ZNF391: variants seen among roughly 807,000 people sequenced by gnomAD.
ZNF391 encodes the protein zinc finger protein 391.
For missense variants in ZNF391, 375 were observed against 425.5 expected (o/e 0.88, Z 1.04); for synonymous variants, 126 against 142.1 (o/e 0.89, Z 0.80).
chr6:27,375,379 C>T (rs1761401266), intron 1 of ZNF391, among the ~76,000 whole-genome samples: 1 of 152,138 alleles, frequency 6.6e-6, no homozygotes, highest in East Asian at 1.9e-4. Context: ...CTATGTGACA[C>T]CTCCACTGTG....
At chr6:27,385,243 A>C (rs947506371), upstream of ZNF391, among the ~76,000 whole-genome samples, 4 of 152,214 alleles carry the variant, frequency 2.6e-5, 1 homozygote, top group Middle Eastern at 0.014. Context: ...AGTGGTAGAC[A>C]AAAATAAGAA....
intron 1 of ZNF391, among the ~76,000 whole-genome samples, chr6:27,392,431 T>G (rs1761733964): frequency 6.6e-6 from 1 of 152,134 alleles, no homozygotes. Context: ...AATTTTTATA[T>G]TTGTATTAGA....
chr6:27,394,403 T>C (rs1761779623), intron 1 of ZNF391, among the ~76,000 whole-genome samples: 1 of 152,234 alleles, frequency 6.6e-6, no homozygotes, highest in East Asian at 1.9e-4. Flanking sequence ...GGGTAGAAGC[T>C]GTAAGCCTTG....
At chr6:27,381,542 G>A (rs917540625) in intron 1 of ZNF391, among the ~76,000 whole-genome samples, 18 of 152,234 alleles carry the variant, frequency 1.2e-4, no homozygotes, top group Admixed American at 6.5e-5. Context: ...CTCAAGTGCC[G>A]CCAAAGTGGG....
chr6:27,391,607 G>T (rs1452657846), intron 1 of ZNF391, among the ~76,000 whole-genome samples: 1 of 152,156 alleles, frequency 6.6e-6, no homozygotes, highest in Non-Finnish European at 1.5e-5. Context: ...GGAGGCAGAA[G>T]ATGGAAAGGC....
Position 27,403,707 on chromosome 6 carries a change from C to T in ZNF391, c.*2260C>T, listed in dbSNP as rs1333171983. 6.6e-6 allele frequency: 1 copy of T among 152,126 alleles called. No homozygotes were observed. The highest frequency in any genetic ancestry group is 1.5e-5 in the Non-Finnish European group (1 of 68,020). The allele number at this position is 152,126 out of a possible 1,614,324, so 9.4% of individuals were successfully genotyped here. On this transcript the variant is annotated 3_prime_UTR_variant, in exon 3 of 3. Transcript: ENST00000244576. Reference sequence around the variant, plus strand: ...AGGTAACCTCATAGGTATTTTGGCCCATTTTGTTTTTCCTTGAATTACATA... The same window carrying T: ...AGGTAACCTCATAGGTATTTTGGCCTATTTTGTTTTTCCTTGAATTACATA...
chr6:27,400,206 C>A, intron 2 of ZNF391, 87 bp from the exon 3 acceptor site: 1 of 569,928 alleles, frequency 1.8e-6, no homozygotes, highest in Non-Finnish European at 2.9e-6. Context: ...TGCATGAATT[C>A]AAATTAGTTG....
rs758852268 is a variant in ZNF391 at position 27,401,240 on chromosome 6, G to T, written c.870G>T (p.Ser290=). ...SECGKVFSRS[S]SLTEHQRIHS... Reference sequence around the variant, plus strand: ...GTGGGAAAGTGTTCAGTCGAAGCTCGTCTCTTACAGAACATCAGAGAATCC... The same window carrying T: ...GTGGGAAAGTGTTCAGTCGAAGCTCTTCTCTTACAGAACATCAGAGAATCC... Residue 290 remains serine, a synonymous_variant, in exon 3 of 3, where the codon TCG becomes TCT. Transcript: ENST00000244576. 5 of 1,614,036 alleles carry T rather than the reference G, an allele frequency of 3.1e-6. No individual in the cohort carries two copies. Among genetic ancestry groups the T allele is most frequent in the Middle Eastern group, 1.6e-4 (1 of 6,062 alleles).
Position 27,388,761 on chromosome 6 carries a change from T to A in ZNF391, c.-502T>A, listed in dbSNP as rs540280297. On this transcript the variant is annotated 5_prime_UTR_variant, in exon 1 of 3. Transcript: ENST00000244576. ...CTGCTGATACGTTGCTCAGTCTCAG[T>A]GTGGTCTCTGTTTTGCAACTGGTCG... 2 of 397,428 alleles carry A rather than the reference T, an allele frequency of 5.0e-6. No homozygotes were observed. Among genetic ancestry groups the A allele is most frequent in the Admixed American group, 7.4e-5 (2 of 26,876 alleles). The allele number at this position is 397,428 out of a possible 1,614,324, so 24.6% of individuals were successfully genotyped here. A position where few individuals can be genotyped will look rare whatever the true frequency, so the allele number is the denominator to read the frequency against.
Position 27,401,098 on chromosome 6 carries a change from A to C in ZNF391, c.728A>C (p.His243Pro). 6.2e-7 allele frequency: 1 copy of C among 1,614,240 alleles called. No individual in the cohort carries two copies. The change falls in exon 3 of 3, where the codon CAC becomes CCC. Residue 243 changes from histidine to proline, a missense_variant. Coordinates refer to ENST00000244576, the MANE Select transcript of ZNF391 (RefSeq NM_001076781.3). ...RSTIIQHQRI[H>P]TGENPYECSK... The stretch of plus-strand genomic sequence containing the variant: ...ACCATAATTCAGCATCAACGAATAC[A>C]CACTGGAGAGAATCCCTATGAATGC...
chr6:27,379,393 A>G lies in ZNF391; in HGVS notation n.523+4256A>G, dbSNP rs79887176. 4.6e-3 allele frequency among the ~76,000 whole-genome samples: 701 copies of G among 152,350 alleles called. 3 individuals are homozygous for G. The highest frequency in any genetic ancestry group is 0.014 in the Middle Eastern group (4 of 294). ...AAAATAAATATAAAGGGAAGAGCACAGTATTTTTTGTGATGGGAAAGCAGA... is the reference window on the plus strand; with the variant it reads ...AAAATAAATATAAAGGGAAGAGCACGGTATTTTTTGTGATGGGAAAGCAGA... On this transcript the variant is annotated intron_variant and non_coding_transcript_variant, in intron 1 of 2. Transcript: ENST00000477999.
At chr6:27,387,863 T>A (rs573530139), upstream of ZNF391, among the ~76,000 whole-genome samples, 2 of 152,370 alleles carry the variant, frequency 1.3e-5, no homozygotes, top group South Asian at 4.1e-4. Flanking sequence ...GTAACTTTAA[T>A]GTTGTGCATA....
chr6:27,400,429 A>C lies in ZNF391; in HGVS notation c.59A>C (p.Asn20Thr), dbSNP rs1387743163. 6.2e-7 allele frequency: 1 copy of C among 1,613,954 alleles called. No homozygotes were observed. Among genetic ancestry groups the C allele is most frequent in the Non-Finnish European group, 8.5e-7 (1 of 1,180,006 alleles). Residue 20 changes from asparagine to threonine, a missense_variant, in exon 3 of 3, where the codon AAC (asparagine) becomes ACC (threonine). Coordinates refer to ENST00000244576, the MANE Select transcript of ZNF391 (RefSeq NM_001076781.3). ...CCTACAAATGAAGAAGACTATAAAA[A>C]CGAAGGCCAATTATCAAGGCAAACA... is the stretch of plus-strand genomic sequence containing the variant. ...QGPTNEEDYK[N>T]EGQLSRQTKC...
intron 1 of ZNF391, among the ~76,000 whole-genome samples, chr6:27,383,092 C>T (rs1761533805): frequency 6.6e-6 from 1 of 151,772 alleles, no homozygotes; most frequent in Non-Finnish European, 1.5e-5. Context: ...TGTATTCCAG[C>T]CTGGGCAACA....
chr6:27,398,655 G>A (rs931952916), intron 1 of ZNF391, among the ~76,000 whole-genome samples: 4 of 152,066 alleles, frequency 2.6e-5, no homozygotes, highest in African/African-American at 7.2e-5. Context: ...TCAGGAGATC[G>A]AGACCATCCT....
At chr6:27,380,217 G>T (rs2113637287) in intron 1 of ZNF391, among the ~76,000 whole-genome samples, 1 of 152,356 alleles carries the variant, frequency 6.6e-6, no homozygotes, top group South Asian at 2.1e-4. Flanking sequence ...CTGACTTCAA[G>T]AACGAAGCCG....
In ZNF391 at chr6:27,401,105, A is replaced by G. The variant is rs201557503; in HGVS notation, c.735A>G (p.Gly245=). The G allele has an allele frequency of 5.2e-4, 832 of 1,614,142 alleles. 2 individuals carry two copies. Among genetic ancestry groups the G allele is most frequent in the Non-Finnish European group, 6.3e-4 (742 of 1,180,052 alleles). ...TTCAGCATCAACGAATACACACTGG[A>G]GAGAATCCCTATGAATGCAGTAAAT... is the stretch of plus-strand genomic sequence containing the variant. ...TIIQHQRIHT[G]ENPYECSKCG... is the part of the protein sequence containing the mutation. Residue 245 remains glycine, a synonymous_variant, in exon 3 of 3, where the codon GGA becomes GGG. Coordinates refer to ENST00000244576, the MANE Select transcript of ZNF391 (RefSeq NM_001076781.3).
At position 27,401,169 on chromosome 6, in the gene ZNF391, CA is replaced by C. The variant is rs1761954966; in HGVS notation, c.800del (p.His267LeufsTer82). 1 of 1,614,176 alleles carries C rather than the reference CA, an allele frequency of 6.2e-7. No homozygotes were observed. Among genetic ancestry groups the C allele is most frequent in the African/African-American group, 1.3e-5 (1 of 75,048 alleles). On this transcript the variant is annotated frameshift_variant, in exon 3 of 3. Coordinates refer to ENST00000244576, the MANE Select transcript of ZNF391 (RefSeq NM_001076781.3). LOFTEE classifies it low-confidence loss of function (END_TRUNC). ...AFSWISSLTE[H>X]QRTHTGENPY... ...CAGTTGGATCTCATCGCTTACTGAA[CA>C]TCAGAGAACACACACTGGGGAGAAC...
intron 1 of ZNF391, among the ~76,000 whole-genome samples, chr6:27,390,109 A>C (rs1396324260): frequency 1.3e-5 from 2 of 152,212 alleles, no homozygotes; most frequent in Non-Finnish European, 2.9e-5. Context: ...CCAGGAAGCA[A>C]TCAACCTAGT....
Sources: allele counts gnomAD v4.1 joint callset (sites outside exome capture counted in the v4.1 genomes callset), GRCh38; gene constraint gnomAD v4.1.1; transcripts MANE v1.5; gene names NCBI Gene and HGNC (gene_info 2026-07-23, HGNC 2026-07-21).